The following TNFAIP6 variants were observed in gnomAD, a reference collection of about 807,000 sequenced individuals.
TNFAIP6 encodes tumor necrosis factor-inducible gene 6 protein.
A neutral mutation model predicts 33.7 loss-of-function variants in TNFAIP6; 36 were observed. The observed-to-expected ratio is 1.07, with a 90% CI of 0.82 to 1.41. The LOEUF (loss-of-function observed/expected upper bound fraction) is 1.41, where lower values mean the gene tolerates loss of function less well. Among genes scored for constraint, TNFAIP6 ranks in the 40% most tolerant of loss-of-function variants. TNFAIP6 has a pLI of 0.00. For synonymous variants in TNFAIP6, 113 were observed against 112.8 expected, an observed-to-expected ratio of 1.00 and a Z score of -0.01; for missense variants, 273 against 331.9, an observed-to-expected ratio of 0.82 and a Z score of 1.38.
At chr2:151,371,708 C>T (rs893469817) in intron 4 of TNFAIP6, among the ~76,000 whole-genome samples, 23 of 152,162 alleles carry the variant, frequency 1.5e-4, no homozygotes, top group Admixed American at 3.9e-4. Context: ...AATTCTCCTG[C>T]CCCAGCATCC....
At chr2:151,378,657 T>G (rs1208169587) in intron 5 of TNFAIP6, among the ~76,000 whole-genome samples, 1 of 151,734 alleles carries the variant, frequency 6.6e-6, no homozygotes, top group East Asian at 2.0e-4. Flanking sequence ...CCGGCTGATT[T>G]TTTGTATTTT....
At chr2:151,379,300 T>C in intron 5 of TNFAIP6, 64 bp from the exon 6 acceptor site, 1 of 1,440,194 alleles carries the variant, frequency 6.9e-7, no homozygotes, top group Non-Finnish European at 9.3e-7. Flanking sequence ...GAAGAGTCTT[T>C]GAATTGTCAG....
chr2:151,363,947 A>G lies in TNFAIP6; in HGVS notation c.99A>G (p.Arg33=). 6.2e-7 allele frequency: 1 copy of G among 1,611,954 alleles called. No homozygotes were observed. Among genetic ancestry groups the G allele is most frequent in the Non-Finnish European group, 8.5e-7 (1 of 1,179,450 alleles). ...GIFHNSIWLE[R]AAGVYHREAR... ...TGACATCATCTGATTTTGCAGAACGAGCAGCCGGTGTGTACCACAGAGAAG... is the reference window on the plus strand; with the variant it reads ...TGACATCATCTGATTTTGCAGAACGGGCAGCCGGTGTGTACCACAGAGAAG... The change falls in exon 2 of 6, where the codon CGA becomes CGG. Residue 33 remains arginine (R), a synonymous_variant. Coordinates refer to ENST00000243347, the MANE Select transcript of TNFAIP6 (RefSeq NM_007115.4).
chr2:151,379,216 A>C, intron 5 of TNFAIP6, 148 bp from the exon 6 acceptor site: 1 of 694,142 alleles, frequency 1.4e-6, no homozygotes, highest in Non-Finnish European at 2.3e-6. Context: ...GAAACCACAG[A>C]CTCTTCAGCT....
At chr2:151,372,642 G>A (rs560491333) in intron 4 of TNFAIP6, among the ~76,000 whole-genome samples, 4 of 152,234 alleles carry the variant, frequency 2.6e-5, no homozygotes, top group African/African-American at 9.6e-5. Flanking sequence ...TTTTAAGGCT[G>A]GACACAGTGG....
At chr2:151,378,306 T>G (rs1192343983) in intron 5 of TNFAIP6, among the ~76,000 whole-genome samples, 1 of 152,192 alleles carries the variant, frequency 6.6e-6, no homozygotes, top group Non-Finnish European at 1.5e-5. Context: ...CATTTTGGTC[T>G]TTATATTACG....
In TNFAIP6 at chr2:151,377,862, GA is replaced by G. The variant is rs1239179735; in HGVS notation, c.665-1500del. 2.0e-5 allele frequency among the ~76,000 whole-genome samples: 3 copies of G among 152,068 alleles called. No homozygotes were observed. The East Asian group carries it at 5.8e-4, about 29-fold the overall frequency. On this transcript the variant is annotated intron_variant, in intron 5 of 5. Transcript: ENST00000243347. ...AATAGCAGTCTGAGAATCAGAGCAT[GA>G]ACTCGGAAACCAGACTGCCTGTGCT...
At position 151,379,517 on chromosome 2, in the gene TNFAIP6, G is replaced by T; in HGVS notation, c.818G>T (p.Arg273Ile). 2 of 1,525,840 alleles carry T rather than the reference G, an allele frequency of 1.3e-6. No individual in the cohort carries two copies. Among genetic ancestry groups the T allele is most frequent in the Non-Finnish European group, 1.7e-6 (2 of 1,144,764 alleles). The allele number at this position is 1,525,840 out of a possible 1,614,324, so 94.5% of individuals were successfully genotyped here. The change falls in exon 6 of 6, where the codon AGA becomes ATA. Residue 273 changes from arginine to isoleucine, a missense_variant. Transcript: ENST00000243347. The part of the protein sequence containing the change: ...STGNKNFLAG[R>I]FSHL ...GGAAATAAAAACTTTTTAGCTGGAA[G>T]ATTTAGCCACTTATAAAAAAAAAAA... is the stretch of plus-strand genomic sequence containing the variant.
chr2:151,379,181 C>T (rs547138393), intron 5 of TNFAIP6, among the ~76,000 whole-genome samples, 183 bp from the exon 6 acceptor site: 1 of 152,282 alleles, frequency 6.6e-6, no homozygotes, highest in East Asian at 1.9e-4. Context: ...ATACAAACGT[C>T]TCTCACCCTG....
chr2:151,376,004 G>A (rs555380973), intron 5 of TNFAIP6, among the ~76,000 whole-genome samples: 1 of 152,244 alleles, frequency 6.6e-6, no homozygotes, highest in Admixed American at 6.5e-5. Flanking sequence ...CTAGCATTTT[G>A]TGAGGCCAAG....
intron 5 of TNFAIP6, among the ~76,000 whole-genome samples, chr2:151,378,147 G>A (rs1684949428): frequency 6.6e-6 from 1 of 152,114 alleles, no homozygotes; most frequent in East Asian, 1.9e-4. Flanking sequence ...GATCACTTGA[G>A]CACAGGAGCT....
At position 151,379,605 on chromosome 2, in the gene TNFAIP6, GTTA is replaced by G. The variant is rs1345392369; in HGVS notation, c.*79_*81del. 3.8e-6 allele frequency: 4 copies of G among 1,048,672 alleles called. No homozygotes were observed. The African/African-American group carries it at 5.0e-5, about 13-fold the overall frequency. 65.0% of individuals were successfully genotyped at this position (1,048,672 alleles called of 1,614,324 possible). On this transcript the variant is annotated 3_prime_UTR_variant, in exon 6 of 6. Coordinates refer to ENST00000243347, the MANE Select transcript of TNFAIP6 (RefSeq NM_007115.4). ...CTTTTGGAACTCCTTTGATCTCACT[GTTA>G]TTATTAACATTTATTTATTATTTTT... is the stretch of plus-strand genomic sequence containing the variant.
chr2:151,362,340 A>T (rs1684637644), intron 1 of TNFAIP6, among the ~76,000 whole-genome samples: 1 of 152,150 alleles, frequency 6.6e-6, no homozygotes, highest in African/African-American at 2.4e-5. Flanking sequence ...AATCAGATAA[A>T]AAATTGAGGC....
intron 4 of TNFAIP6, chr2:151,372,237 T>C (rs941662443): frequency 6.6e-6 from 1 of 152,206 alleles, no homozygotes; most frequent in Non-Finnish European, 1.5e-5. Flanking sequence ...AAGGAGCCTA[T>C]GAATAAACAT....
At chr2:151,369,511 T>A (rs987427538) in intron 3 of TNFAIP6, among the ~76,000 whole-genome samples, 1 of 151,994 alleles carries the variant, frequency 6.6e-6, no homozygotes, top group African/African-American at 2.4e-5. Context: ...CAGTGGCTCA[T>A]GTTTATAATC....
At chr2:151,364,201 G>T in intron 2 of TNFAIP6, 121 bp downstream of exon 2, 2 of 1,242,920 alleles carry the variant, frequency 1.6e-6, no homozygotes, top group Non-Finnish European at 2.2e-6. Context: ...TAAGCCCCTA[G>T]GACATTTCTG....
intron 1 of TNFAIP6, among the ~76,000 whole-genome samples, chr2:151,362,367 G>T (rs764474286): frequency 2.6e-5 from 4 of 151,596 alleles, no homozygotes; most frequent in Non-Finnish European, 5.9e-5. Context: ...TGGTAGTTAG[G>T]TGTGTCCAGT....
Position 151,357,688 on chromosome 2 carries a change from T to C in TNFAIP6, c.22T>C (p.Phe8Leu), listed in dbSNP as rs938308191. 14 of 1,611,602 alleles carry C rather than the reference T, an allele frequency of 8.7e-6. No homozygotes were observed. Among genetic ancestry groups the C allele is most frequent in the Non-Finnish European group, 1.2e-5 (14 of 1,177,784 alleles). The change falls in exon 1 of 6, where the codon TTT (phenylalanine) becomes CTT (leucine). Residue 8 changes from phenylalanine to leucine, a missense_variant. Phe to Leu is a conservative substitution (Grantham distance 22). Coordinates refer to ENST00000243347, the MANE Select transcript of TNFAIP6 (RefSeq NM_007115.4). MIILIYLFLLLWEDTQGW... is the reference protein window; with the variant it reads MIILIYLLLLLWEDTQGW... ...CGATATGATCATCTTAATTTACTTA[T>C]TTCTCTTGCTATGGGAAGACACTCA...
chr2:151,368,513 G>T (rs1420933113), intron 3 of TNFAIP6: 1 of 151,634 alleles, frequency 6.6e-6, no homozygotes, highest in Non-Finnish European at 1.5e-5. Flanking sequence ...CACTGATTCT[G>T]AGACAGCGTT....
Sources: allele counts gnomAD v4.1 joint callset (sites outside exome capture counted in the v4.1 genomes callset), GRCh38; gene constraint gnomAD v4.1.1; transcripts MANE v1.5; gene names NCBI Gene and HGNC (gene_info 2026-07-23, HGNC 2026-07-21).